Variants in ZNG1A observed in about 807,000 individuals in gnomAD.
The protein encoded by ZNG1A is zinc-regulated GTPase metalloprotein activator 1A.
chr9:125,295 CCCTG>C, the ZNG1A span, among the ~76,000 whole-genome samples: 6 of 149,712 alleles, frequency 4.0e-5, no homozygotes, highest in African/African-American at 1.5e-4. Context: ...ATTTGCATTT[CCCTG>C]ATCATTAGTG....
the ZNG1A span, among the ~76,000 whole-genome samples, chr9:143,297 A>G: frequency 6.8e-6 from 1 of 147,774 alleles, no homozygotes; most frequent in Admixed American, 6.7e-5. Context: ...AATCCTCAAT[A>G]AAATACTGGC....
At chr9:147,654 G>C in the ZNG1A span, 1 of 148,532 alleles carries the variant, frequency 6.7e-6, no homozygotes, top group East Asian at 1.9e-4. Context: ...AGAAATTTCT[G>C]AGTATCAGTT....
At chr9:160,283 G>T in the ZNG1A span, 1 of 415,600 alleles carries the variant, frequency 2.4e-6, no homozygotes, top group African/African-American at 2.1e-5. Context: ...TGATGGGCTG[G>T]CTCTGTGAAG....
chr9:124,923 C>T, the ZNG1A span, among the ~76,000 whole-genome samples: 65,717 of 144,620 alleles, frequency 0.45, 11,889 homozygotes, highest in East Asian at 0.53. Context: ...CCATTGTATG[C>T]ATATATATCA....
chr9:152,403 T>A, the ZNG1A span, among the ~76,000 whole-genome samples: 1 of 152,186 alleles, frequency 6.6e-6, no homozygotes, highest in East Asian at 1.9e-4. Flanking sequence ...TAGTCAGTTA[T>A]CCTAGTGTTC....
chr9:131,366 C>T, the ZNG1A span, among the ~76,000 whole-genome samples: 2 of 149,576 alleles, frequency 1.3e-5, no homozygotes, highest in Non-Finnish European at 2.9e-5. Flanking sequence ...TTCTTTAACC[C>T]ACTGGGTTAT....
At chr9:170,543 G>C in the ZNG1A span, among the ~76,000 whole-genome samples, 1 of 144,518 alleles carries the variant, frequency 6.9e-6, no homozygotes, top group Admixed American at 6.8e-5. Context: ...GCGCCACATC[G>C]CCTGGCTAGT....
At chr9:169,760 A>T in the ZNG1A span, among the ~76,000 whole-genome samples, 1 of 150,194 alleles carries the variant, frequency 6.7e-6, no homozygotes, top group Non-Finnish European at 1.5e-5. Flanking sequence ...GATTGTTAGC[A>T]TTTTTTAGCA....
At chr9:175,840 A>G in the ZNG1A span, 1 of 774,744 alleles carries the variant, frequency 1.3e-6, no homozygotes, top group East Asian at 2.7e-5. Context: ...AAAGATACAA[A>G]AAACATATAA....
chr9:165,259 T>A, the ZNG1A span, among the ~76,000 whole-genome samples: 1 of 151,930 alleles, frequency 6.6e-6, no homozygotes, highest in South Asian at 2.1e-4. Context: ...TAAAAAAGCA[T>A]GAATTTTTTC....
At chr9:141,876 G>C in the ZNG1A span, among the ~76,000 whole-genome samples, 2 of 152,088 alleles carry the variant, frequency 1.3e-5, no homozygotes, top group Non-Finnish European at 2.9e-5. Flanking sequence ...AACAAAACAA[G>C]GCAGGGGTTG....
chr9:172,653 TC>T, the ZNG1A span: 1 of 155,196 alleles, frequency 6.4e-6, no homozygotes, highest in African/African-American at 2.4e-5. Context: ...TTTTGGTTGT[TC>T]AAGAAAGTCT....
chr9:139,892 A>G, the ZNG1A span, among the ~76,000 whole-genome samples: 1 of 150,948 alleles, frequency 6.6e-6, no homozygotes, highest in South Asian at 2.1e-4. Flanking sequence ...AGTCAAAGAA[A>G]GGGGTGACAG....
At chr9:169,176 G>GT in the ZNG1A span, among the ~76,000 whole-genome samples, 2 of 152,108 alleles carry the variant, frequency 1.3e-5, no homozygotes, top group African/African-American at 4.8e-5. Flanking sequence ...GGAGATCAAA[G>GT]TATCAACATG....
the ZNG1A span, chr9:154,202 G>C: frequency 6.3e-6 from 1 of 159,430 alleles, no homozygotes; most frequent in African/African-American, 2.4e-5. Flanking sequence ...GTCAACAAGA[G>C]TTCAGGGAAA....
chr9:150,128 T>TTG, the ZNG1A span: 4 of 122,578 alleles, frequency 3.3e-5, no homozygotes, highest in African/African-American at 9.4e-5. Flanking sequence ...TTTGTTTTTT[T>TTG]TTTTTTTTTT....
the ZNG1A span, among the ~76,000 whole-genome samples, chr9:145,103 T>C: frequency 2.6e-3 from 384 of 146,948 alleles, 1 homozygote; most frequent in African/African-American, 9.3e-3. Flanking sequence ...TTGGTGGGAC[T>C]GTAAACTAGT....
chr9:174,939 T>C, the ZNG1A span, among the ~76,000 whole-genome samples: 2 of 151,132 alleles, frequency 1.3e-5, no homozygotes, highest in East Asian at 1.9e-4. Flanking sequence ...AGACCATATG[T>C]TTACCTTTAT....
At chr9:121,644 C>T in the ZNG1A span, 1 of 1,473,334 alleles carries the variant, frequency 6.8e-7, no homozygotes, top group African/African-American at 1.4e-5. Flanking sequence ...CTATCAATTC[C>T]AGTTCATTAA....
Sources: allele counts gnomAD v4.1 joint callset (sites outside exome capture counted in the v4.1 genomes callset), GRCh38; gene constraint gnomAD v4.1.1; transcripts MANE v1.5; gene names NCBI Gene and HGNC (gene_info 2026-07-23, HGNC 2026-07-21).